CYLC1: variants seen among roughly 807,000 people sequenced by gnomAD.
CYLC1 encodes cylicin 1, also known as cylicin-1.
A neutral mutation model predicts 31.6 loss-of-function variants in CYLC1; 2 were observed. That is an observed-to-expected ratio of 0.06 (90% CI 0.03 to 0.20). The LOEUF is 0.20. Ranked by LOEUF, CYLC1 falls within the 10% of genes least tolerant of loss-of-function variation. The pLI, the probability that CYLC1 is intolerant of heterozygous loss-of-function variation, is 1.00. For synonymous variants in CYLC1, 185 were observed against 153.0 expected (o/e 1.21, Z -1.54); for missense variants, 595 against 424.1 (o/e 1.40, Z -3.54).
intron 1 of CYLC1, among the ~76,000 whole-genome samples, chrX:83,868,365 G>T (rs1051979073): frequency 3.8e-4 from 42 of 110,419 alleles, no homozygotes; most frequent in African/African-American, 1.3e-3. Flanking sequence ...ATTATTAGAG[G>T]AGGAAAAACT....
intron 4 of CYLC1, among the ~76,000 whole-genome samples, chrX:83,879,961 T>C (rs995254053): frequency 1.8e-5 from 2 of 112,363 alleles, no homozygotes; most frequent in Non-Finnish European, 3.8e-5. Context: ...TTAATTTGCA[T>C]TCTCCTAAAT....
At chrX:83,884,617 C>T (rs191890631) in intron 4 of CYLC1, among the ~76,000 whole-genome samples, 1 of 111,341 alleles carries the variant, frequency 9.0e-6, no homozygotes, top group African/African-American at 3.3e-5. Flanking sequence ...TCCCCAATAA[C>T]ATATGGAAAT....
At position 83,882,478 on chromosome X, in the gene CYLC1, A is replaced by G. The variant is rs1416526053; in HGVS notation, c.1924-4074A>G. Among the ~76,000 whole-genome samples, 20 of 110,803 alleles carry G rather than the reference A, an allele frequency of 1.8e-4. No homozygotes were observed. In the Admixed American group the frequency reaches 1.9e-3, roughly 11 times the overall value. ...CTGCAATGACCTTTCACTGAATATT[A>G]TGGTCTTGTCTGTACCTACATTAAC... On this transcript the variant is annotated intron_variant, in intron 4 of 4. Transcript: ENST00000329312.
chrX:83,875,642 A>G (rs1378079363), intron 4 of CYLC1, among the ~76,000 whole-genome samples: 1 of 111,361 alleles, frequency 9.0e-6, no homozygotes, highest in Non-Finnish European at 1.9e-5. Context: ...CCATAATTCA[A>G]TCACTTTCCA....
intron 4 of CYLC1, among the ~76,000 whole-genome samples, chrX:83,880,315 A>G (rs1005942655): frequency 1.8e-5 from 2 of 112,189 alleles, no homozygotes; most frequent in Admixed American, 9.5e-5. Context: ...ACAGGGACTA[A>G]AACAAAAACT....
chrX:83,880,319 A>T (rs1344308612), intron 4 of CYLC1, among the ~76,000 whole-genome samples: 1 of 112,222 alleles, frequency 8.9e-6, no homozygotes, highest in Non-Finnish European at 1.9e-5. Flanking sequence ...GGACTAAAAC[A>T]AAAACTAGTC....
At chrX:83,881,866 T>G (rs1327276255) in intron 4 of CYLC1, among the ~76,000 whole-genome samples, 17 of 109,467 alleles carry the variant, frequency 1.6e-4, no homozygotes, top group Non-Finnish European at 2.9e-4. Flanking sequence ...CCAGCTAATT[T>G]TTTGTATTTT....
At chrX:83,872,718 T>TAC (rs61531587) in intron 3 of CYLC1, among the ~76,000 whole-genome samples, 168 bp from the exon 4 acceptor site, 11,604 of 91,887 alleles carry the variant, frequency 0.13, 722 homozygotes, top group East Asian at 0.45. Context: ...GTCTCTCTCT[T>TAC]ACACACACAC....
intron 3 of CYLC1, among the ~76,000 whole-genome samples, 168 bp from the exon 4 acceptor site, chrX:83,872,718 T>TACACACACACACAC (rs61531587): frequency 6.5e-5 from 6 of 92,056 alleles, no homozygotes; most frequent in African/African-American, 2.5e-4. Context: ...GTCTCTCTCT[T>TACACACACACACAC]ACACACACAC....
At position 83,873,859 on chromosome X, in the gene CYLC1, C is replaced by T; in HGVS notation, c.1151C>T (p.Ser384Leu). The change falls in exon 4 of 5, where the codon TCA (serine) becomes TTA (leucine). Residue 384 changes from serine (S) to leucine (L), a missense_variant. Coordinates refer to ENST00000329312, the MANE Select transcript of CYLC1 (RefSeq NM_021118.3). ...SGDAKDARND[S>L]RNLKKASKND... ...GATGCAAAGGATGCAAGAAATGATT[C>T]AAGAAATTTGAAGAAAGCTTCAAAG... 2 of 1,195,837 alleles carry T rather than the reference C, an allele frequency of 1.7e-6. No individual in the cohort carries two copies. Among genetic ancestry groups the T allele is most frequent in the Non-Finnish European group, 2.3e-6 (2 of 884,850 alleles).
chrX:83,867,769 A>G (rs1353262243), intron 1 of CYLC1, among the ~76,000 whole-genome samples: 1 of 111,392 alleles, frequency 9.0e-6, no homozygotes, highest in Non-Finnish European at 1.9e-5. Flanking sequence ...AACAATCCAG[A>G]ATAACCTTCC....
chrX:83,877,596 G>T (rs369188736), intron 4 of CYLC1, among the ~76,000 whole-genome samples: 3 of 108,023 alleles, frequency 2.8e-5, no homozygotes, highest in Non-Finnish European at 5.7e-5. Context: ...TGTTTCCTCT[G>T]ATTGGAATAT....
intron 4 of CYLC1, among the ~76,000 whole-genome samples, chrX:83,877,996 TTG>T (rs1440847868): frequency 1.5e-5 from 1 of 67,873 alleles, no homozygotes; most frequent in African/African-American, 5.8e-5. Flanking sequence ...ATATATATAT[TTG>T]TATATAAATA....
rs1282575320 is a variant in CYLC1 at position 83,878,414 on chromosome X, TATATATAAATATATATATAA to T, written c.1923+3791_1923+3810del. Among the ~76,000 whole-genome samples, 44 of 39,795 alleles carry T rather than the reference TATATATAAATATATATATAA, an allele frequency of 1.1e-3. 1 individual carries two copies. The highest frequency in any genetic ancestry group is 2.9e-3 in the Admixed American group (5 of 1,714). The allele number at this position is 39,795 out of a possible 115,157, so 34.6% of individuals were successfully genotyped here. ...ATAAATATATATAAATATATATAAA[TATATATAAATATATATATAA>T]ATATATATAAATATATATAAATATA... On this transcript the variant is annotated intron_variant, in intron 4 of 4. Coordinates refer to ENST00000329312, the MANE Select transcript of CYLC1 (RefSeq NM_021118.3).
At chrX:83,874,911 CA>C (rs527374828) in intron 4 of CYLC1, among the ~76,000 whole-genome samples, 1,658 of 99,413 alleles carry the variant, frequency 0.017, 8 homozygotes, top group Non-Finnish European at 0.026. Context: ...GGTCATTTTG[CA>C]AAAAAAAAAG....
chrX:83,869,662 G>T (rs2031636873), intron 1 of CYLC1, among the ~76,000 whole-genome samples: 1 of 110,989 alleles, frequency 9.0e-6, no homozygotes, highest in Non-Finnish European at 1.9e-5. Context: ...GGAGATAAGA[G>T]AATGAATAAA....
chrX:83,865,829 A>G (rs1465635305), intron 1 of CYLC1, among the ~76,000 whole-genome samples: 1 of 111,664 alleles, frequency 9.0e-6, no homozygotes, highest in Admixed American at 9.6e-5. Context: ...TAAGATTTTA[A>G]TCGCACCTGC....
At chrX:83,861,274 T>G in intron 1 of CYLC1, 75 bp downstream of exon 1, 1 of 723,238 alleles carries the variant, frequency 1.4e-6, no homozygotes, top group Non-Finnish European at 2.0e-6. Flanking sequence ...ATGTATATGT[T>G]TAACTGTAAA....
At chrX:83,871,699 G>A in intron 3 of CYLC1, 129 bp downstream of exon 3, 2 of 590,483 alleles carry the variant, frequency 3.4e-6, no homozygotes, top group Admixed American at 9.0e-5. Context: ...GTAATTCTCT[G>A]TACAACAGAC....
Sources: allele counts gnomAD v4.1 joint callset (sites outside exome capture counted in the v4.1 genomes callset), GRCh38; gene constraint gnomAD v4.1.1; transcripts MANE v1.5; gene names NCBI Gene and HGNC (gene_info 2026-07-23, HGNC 2026-07-21).